Variants in NSMAF observed in about 807,000 individuals in gnomAD.
NSMAF encodes the protein neutral sphingomyelinase activation associated factor, also known as protein FAN.
NSMAF carries 90 observed loss-of-function variants against 134.9 expected under a neutral mutation model. That is an observed-to-expected ratio of 0.67 (90% confidence interval 0.56 to 0.79). NSMAF has a LOEUF of 0.79. NSMAF is among the 30% of genes least tolerant of loss of function. NSMAF has a pLI of 0.00. For missense variants in NSMAF, 1,010 were observed against 1,119.0 expected (o/e 0.90, Z 1.39); for synonymous variants, 358 against 389.6 (o/e 0.92, Z 0.96).
chr8:58,586,101 T>A, intron 28 of NSMAF, 101 bp from the exon 29 acceptor site: 1 of 906,056 alleles, frequency 1.1e-6, no homozygotes, highest in Non-Finnish European at 1.8e-6. Flanking sequence ...ATCTCCACAT[T>A]CGTTTTCTTC....
rs144552140 is a variant in NSMAF, at chr8:58,643,017, T to C, written c.116A>G (p.Asn39Ser). The C allele has an allele frequency of 2.5e-6, 4 of 1,614,010 alleles. No individual in the cohort carries two copies. The highest frequency in any genetic ancestry group is 3.3e-5 in the Admixed American group (2 of 60,002). ...GTGACTGCCCTTGTGCAAAATGTGATTGGCTCTATGCTGTTCAAAGTAGTA... is the reference window on the plus strand; with the variant it reads ...GTGACTGCCCTTGTGCAAAATGTGACTGGCTCTATGCTGTTCAAAGTAGTA... The part of the protein sequence containing the change: ...EEYYFEQHRA[N>S]HILHKGSHHE... The change falls in exon 2 of 31, where the codon AAT becomes AGT. Residue 39 changes from asparagine to serine, a missense_variant. Coordinates refer to ENST00000038176, the MANE Select transcript of NSMAF (RefSeq NM_003580.4).
intron 2 of NSMAF, chr8:58,637,388 G>C (rs896985214): frequency 2.2e-6 from 1 of 455,988 alleles, no homozygotes; most frequent in African/African-American, 2.0e-5. Flanking sequence ...TTATTTCTAG[G>C]CCTTTTCAAA....
chr8:58,643,130 C>G, intron 1 of NSMAF, 57 bp from the exon 2 acceptor site: 1 of 1,265,608 alleles, frequency 7.9e-7, no homozygotes. Flanking sequence ...TATAAGAAGG[C>G]AATATATTTA....
chr8:58,623,758 T>A lies in NSMAF; in HGVS notation c.407A>T (p.Glu136Val). The change falls in exon 7 of 31, where the codon GAA (glutamate) becomes GTA (valine). Residue 136 changes from glutamate to valine, a missense_variant. Transcript: ENST00000038176. ...IERGKMEYVF[E>V]LDVPGKVEDV... is the part of the protein sequence containing the mutation. ...TTCCACTTTCCCGGGAACATCCAAT[T>A]CAAAAACATATTCCATTTTGCCCTA... The A allele has an allele frequency of 6.2e-7, 1 of 1,614,032 alleles. No individual in the cohort carries two copies. Among genetic ancestry groups the A allele is most frequent in the Non-Finnish European group, 8.5e-7 (1 of 1,179,946 alleles).
At chr8:58,598,792 G>A (rs1203054140) in intron 19 of NSMAF, among the ~76,000 whole-genome samples, 1 of 152,144 alleles carries the variant, frequency 6.6e-6, no homozygotes, top group Non-Finnish European at 1.5e-5. Context: ...GGAGGCCGAG[G>A]TGGGCAGATC....
At chr8:58,659,094 G>C (rs1043159873) in intron 1 of NSMAF, 18 of 842,614 alleles carry the variant, frequency 2.1e-5, no homozygotes, top group African/African-American at 5.6e-5. Context: ...CGGCCTGCTC[G>C]GTGCCGCCCG....
At position 58,589,532 on chromosome 8, in the gene NSMAF, T is replaced by C. The variant is rs529100436; in HGVS notation, c.2131A>G (p.Met711Val). The C allele has an allele frequency of 4.4e-6, 7 of 1,576,054 alleles. No homozygotes were observed. The East Asian group carries it at 1.4e-4, about 32-fold the overall frequency. The part of the protein sequence containing the change: ...IAFGRRQDTL[M>V]GHDDAVSKIC... ...TTACTAACAGCATCATCATGTCCCATTAACGTGTCCTGGCGTCTTCCAAAT... is the reference window on the plus strand; with the variant it reads ...TTACTAACAGCATCATCATGTCCCACTAACGTGTCCTGGCGTCTTCCAAAT... The change falls in exon 26 of 31, where the codon ATG (methionine) becomes GTG (valine). Residue 711 changes from methionine to valine, a missense_variant. Transcript: ENST00000038176.
chr8:58,650,748 C>T (rs895031217), intron 1 of NSMAF, among the ~76,000 whole-genome samples: 1 of 152,154 alleles, frequency 6.6e-6, no homozygotes, highest in Non-Finnish European at 1.5e-5. Context: ...CATTTCATTG[C>T]TACTTGGTTA....
intron 1 of NSMAF, among the ~76,000 whole-genome samples, chr8:58,646,806 T>G (rs1807465428): frequency 6.6e-6 from 1 of 152,224 alleles, no homozygotes; most frequent in Admixed American, 6.5e-5. Context: ...TGTATCTGAC[T>G]GTAAATTATT....
intron 9 of NSMAF, 91 bp from the exon 10 acceptor site, chr8:58,609,824 T>C: frequency 1.6e-6 from 2 of 1,241,492 alleles, no homozygotes; most frequent in East Asian, 2.4e-5. Flanking sequence ...TGACTTTCTA[T>C]GACATTTGTC....
intron 1 of NSMAF, among the ~76,000 whole-genome samples, chr8:58,650,313 G>T (rs1807554650): frequency 6.6e-6 from 1 of 152,052 alleles, no homozygotes; most frequent in Admixed American, 6.6e-5. Context: ...TTTTTCAAAG[G>T]TTCCACTCAT....
At chr8:58,626,734 A>T (rs1806941758) in intron 6 of NSMAF, among the ~76,000 whole-genome samples, 1 of 152,186 alleles carries the variant, frequency 6.6e-6, no homozygotes, top group African/African-American at 2.4e-5. Context: ...TGACAGTGGG[A>T]TTGCTGGATT....
At chr8:58,621,236 C>G (rs1016118029) in intron 9 of NSMAF, among the ~76,000 whole-genome samples, 3 of 152,160 alleles carry the variant, frequency 2.0e-5, no homozygotes, top group Non-Finnish European at 4.4e-5. Flanking sequence ...GCTCCAGCGC[C>G]ATCCGTGGCC....
chr8:58,583,794 C>T lies in NSMAF; in HGVS notation c.*312G>A. ...GTTCAGTGCTTTCTGACAAGTTTCCCCAGCCCAATTTATCTCTTAGCTATT... is the reference window on the plus strand; with the variant it reads ...GTTCAGTGCTTTCTGACAAGTTTCCTCAGCCCAATTTATCTCTTAGCTATT... On this transcript the variant is annotated 3_prime_UTR_variant, in exon 31 of 31. Coordinates refer to ENST00000038176, the MANE Select transcript of NSMAF (RefSeq NM_003580.4). 3.4e-6 allele frequency: 1 copy of T among 298,322 alleles called. No homozygotes were observed. Among genetic ancestry groups the T allele is most frequent in the Non-Finnish European group, 6.3e-6 (1 of 159,274 alleles). 18.5% of individuals were successfully genotyped at this position (298,322 alleles called of 1,614,324 possible). A position where few individuals can be genotyped will look rare whatever the true frequency, so the allele number is the denominator to read the frequency against.
At position 58,623,785 on chromosome 8, in the gene NSMAF, C is replaced by A; in HGVS notation, c.385-5G>T. ...AAAAACATATTCCATTTTGCCCTAA[C>A]AAAAAGGGGAAGATATCAAAATACA... On this transcript the variant is annotated splice_region_variant and splice_polypyrimidine_tract_variant and intron_variant, in intron 6 of 30. Coordinates refer to ENST00000038176, the MANE Select transcript of NSMAF (RefSeq NM_003580.4). 1 of 1,610,686 alleles carries A rather than the reference C, an allele frequency of 6.2e-7. No individual in the cohort carries two copies. The highest frequency in any genetic ancestry group is 8.5e-7 in the Non-Finnish European group (1 of 1,177,634).
intron 1 of NSMAF, among the ~76,000 whole-genome samples, chr8:58,646,941 T>C (rs935505387): frequency 7.2e-5 from 11 of 152,216 alleles, no homozygotes; most frequent in Non-Finnish European, 1.5e-4. Context: ...AAAAAGATGT[T>C]TTCCTATTCT....
At chr8:58,651,885 C>T (rs1807592782) in intron 1 of NSMAF, among the ~76,000 whole-genome samples, 1 of 152,172 alleles carries the variant, frequency 6.6e-6, no homozygotes, top group African/African-American at 2.4e-5. Context: ...GGCACACATG[C>T]GCTGCTGGCC....
At chr8:58,637,484 G>A (rs1807203179) in intron 2 of NSMAF, 1 of 423,440 alleles carries the variant, frequency 2.4e-6, no homozygotes, top group East Asian at 7.1e-5. Context: ...CATAGTACTG[G>A]AAATCCTAGC....
chr8:58,659,739 C>G lies in NSMAF; in HGVS notation c.-108G>C, dbSNP rs1401914189. 1 of 884,642 alleles carries G rather than the reference C, an allele frequency of 1.1e-6. No homozygotes were observed. Among genetic ancestry groups the G allele is most frequent in the Non-Finnish European group, 1.5e-6 (1 of 673,170 alleles). The allele number at this position is 884,642 out of a possible 1,614,324, so 54.8% of individuals were successfully genotyped here. ...GCGGGATTGGTGGCCGGCTGGGGAG[C>G]GCGCGGCTGCCGGCCTGGCTTCCCC... is the stretch of plus-strand genomic sequence containing the variant. On this transcript the variant is annotated 5_prime_UTR_variant, in exon 1 of 31. Coordinates refer to ENST00000038176, the MANE Select transcript of NSMAF (RefSeq NM_003580.4).
Sources: allele counts gnomAD v4.1 joint callset (sites outside exome capture counted in the v4.1 genomes callset), GRCh38; gene constraint gnomAD v4.1.1; transcripts MANE v1.5; gene names NCBI Gene and HGNC (gene_info 2026-07-23, HGNC 2026-07-21).